Variants in SLC30A7 observed in about 807,000 individuals in gnomAD.
The protein encoded by SLC30A7 is solute carrier family 30 member 7, also known as zinc transporter 7.
In SLC30A7, 35 loss-of-function variants were observed where a neutral mutation model predicts 46.0. That is an observed-to-expected ratio of 0.76 (90% CI 0.58 to 1.01). The LOEUF (loss-of-function observed/expected upper bound fraction) is 1.01. SLC30A7 is among the 50% of genes least tolerant of loss of function. The pLI is 0.00. For synonymous variants in SLC30A7, 147 were observed against 157.8 expected, an observed-to-expected ratio of 0.93 and a Z score of 0.51; for missense variants, 464 against 451.1, an observed-to-expected ratio of 1.03 and a Z score of -0.26.
intron 3 of SLC30A7, among the ~76,000 whole-genome samples, 150 bp from the exon 4 acceptor site, chr1:100,910,908 TATAAA>T (rs1408416854): frequency 1.3e-5 from 2 of 152,234 alleles, no homozygotes; most frequent in African/African-American, 4.8e-5. Flanking sequence ...TTCTACTATA[TATAAA>T]ATAAAATGCA....
the SLC30A7 span, among the ~76,000 whole-genome samples, chr1:100,993,559 A>AAT: frequency 0.12 from 6,591 of 55,582 alleles, 713 homozygotes; most frequent in South Asian, 0.17. Context: ...CGAAAATATA[A>AAT]ATATATATAT....
the SLC30A7 span, among the ~76,000 whole-genome samples, chr1:100,994,373 T>C: frequency 6.6e-6 from 1 of 152,186 alleles, no homozygotes; most frequent in Non-Finnish European, 1.5e-5. Flanking sequence ...ACATTTCAAA[T>C]GCTCCTTAGT....
intron 8 of SLC30A7, among the ~76,000 whole-genome samples, chr1:100,947,484 A>G (rs902684164): frequency 2.8e-4 from 43 of 152,162 alleles, no homozygotes; most frequent in Admixed American, 1.3e-3. Context: ...TATGTGGTCA[A>G]TTTTAGAATA....
intron 8 of SLC30A7, among the ~76,000 whole-genome samples, chr1:100,939,829 A>C (rs1654238393): frequency 6.6e-6 from 1 of 151,674 alleles, no homozygotes; most frequent in South Asian, 2.1e-4. Flanking sequence ...AGCCTGGGCA[A>C]CAGAGTGAGA....
intron 8 of SLC30A7, among the ~76,000 whole-genome samples, chr1:100,930,404 A>C (rs1475656347): frequency 1.3e-5 from 2 of 148,340 alleles, no homozygotes; most frequent in Non-Finnish European, 3.0e-5. Flanking sequence ...ATAAAATAGA[A>C]TGTATACTAA....
At chr1:100,942,605 C>G (rs934403729) in intron 8 of SLC30A7, among the ~76,000 whole-genome samples, 11 of 152,206 alleles carry the variant, frequency 7.2e-5, no homozygotes, top group Non-Finnish European at 1.5e-4. Flanking sequence ...GAATGGCCAT[C>G]TGGGAAACAC....
intron 8 of SLC30A7, among the ~76,000 whole-genome samples, chr1:100,955,229 G>C (rs1279647656): frequency 6.6e-6 from 1 of 152,020 alleles, no homozygotes; most frequent in African/African-American, 2.4e-5. Flanking sequence ...TGTTGAAGTA[G>C]TGAGGCTCTT....
At chr1:100,919,401 T>C (rs938464211) in intron 7 of SLC30A7, among the ~76,000 whole-genome samples, 14 of 152,146 alleles carry the variant, frequency 9.2e-5, no homozygotes, top group Non-Finnish European at 4.4e-5. Context: ...ACTGCACCTA[T>C]TTGTCTTCAC....
intron 5 of SLC30A7, 50 bp downstream of exon 5, chr1:100,912,288 C>G: frequency 1.3e-6 from 2 of 1,584,878 alleles, no homozygotes; most frequent in African/African-American, 1.4e-5. Flanking sequence ...AGGTTTCTGT[C>G]ATAATTATTT....
At chr1:100,911,260 A>G (rs1652074369) in intron 4 of SLC30A7, 110 bp downstream of exon 4, 1 of 717,502 alleles carries the variant, frequency 1.4e-6, no homozygotes, top group Non-Finnish European at 2.2e-6. Flanking sequence ...ATTGTGGACA[A>G]TCTTAGATTA....
intron 2 of SLC30A7, among the ~76,000 whole-genome samples, chr1:100,900,044 A>G (rs1262092847): frequency 2.0e-5 from 3 of 152,074 alleles, no homozygotes; most frequent in African/African-American, 7.2e-5. Context: ...CTAACCTGTC[A>G]TCTTCTATAG....
chr1:100,912,567 T>C (rs967184710), intron 5 of SLC30A7, among the ~76,000 whole-genome samples: 18 of 152,122 alleles, frequency 1.2e-4, no homozygotes, highest in African/African-American at 4.3e-4. Context: ...CTTACACCTA[T>C]AATTCCAGCA....
rs1557978768 is a variant in SLC30A7, at chr1:100,912,167, T to C, written c.440T>C (p.Leu147Pro). Residue 147 changes from leucine to proline, a missense_variant, in exon 5 of 11, where the codon CTT becomes CCT. Coordinates refer to ENST00000357650, the MANE Select transcript of SLC30A7 (RefSeq NM_133496.5). The stretch of plus-strand genomic sequence containing the variant: ...GAGAGACTGCTTCTTGTTTCCATTC[T>C]TGGGTTTGTGGTAAACCTAATAGGA... ...HHERLLLVSI[L>P]GFVVNLIGIF... 13 of 1,614,028 alleles carry C rather than the reference T, an allele frequency of 8.1e-6. No individual in the cohort carries two copies. Among genetic ancestry groups the C allele is most frequent in the Admixed American group, 1.7e-5 (1 of 60,036 alleles).
downstream of SLC30A7, among the ~76,000 whole-genome samples, chr1:100,982,855 A>C (rs1331277455): frequency 6.6e-6 from 1 of 152,042 alleles, no homozygotes; most frequent in Non-Finnish European, 1.5e-5. Flanking sequence ...GAGACTCCCT[A>C]CCTATCCTGT....
chr1:100,912,103 G>C lies in SLC30A7; in HGVS notation c.385-9G>C. The C allele has an allele frequency of 2.5e-6, 4 of 1,611,778 alleles. No individual in the cohort carries two copies. The highest frequency in any genetic ancestry group is 2.5e-6 in the Non-Finnish European group (3 of 1,178,538). On this transcript the variant is annotated splice_polypyrimidine_tract_variant and intron_variant, in intron 4 of 10. Coordinates refer to ENST00000357650, the MANE Select transcript of SLC30A7 (RefSeq NM_133496.5). Reference sequence around the variant, plus strand: ...TCTATGCTATTTGTTTGTATTATGTGTTTTCTAGAGAGCATTAGCCCCTCC... The same window carrying C: ...TCTATGCTATTTGTTTGTATTATGTCTTTTCTAGAGAGCATTAGCCCCTCC...
intron 7 of SLC30A7, among the ~76,000 whole-genome samples, 193 bp downstream of exon 7, chr1:100,918,320 T>C (rs1652724280): frequency 6.6e-6 from 1 of 152,228 alleles, no homozygotes; most frequent in South Asian, 2.1e-4. Context: ...GTCACTTGAC[T>C]GTTTTCTCTG....
At chr1:100,938,442 G>A (rs888945347) in intron 8 of SLC30A7, among the ~76,000 whole-genome samples, 3 of 152,120 alleles carry the variant, frequency 2.0e-5, no homozygotes, top group African/African-American at 7.2e-5. Context: ...AAACTTACTT[G>A]TTTCTTTTTA....
intron 8 of SLC30A7, among the ~76,000 whole-genome samples, chr1:100,937,376 A>T (rs1371166491): frequency 6.6e-6 from 1 of 152,172 alleles, no homozygotes; most frequent in Non-Finnish European, 1.5e-5. Flanking sequence ...CTGCCACACC[A>T]GTTTACATTT....
intron 10 of SLC30A7, among the ~76,000 whole-genome samples, chr1:100,973,760 A>G (rs1656296783): frequency 6.6e-6 from 1 of 152,136 alleles, no homozygotes; most frequent in Non-Finnish European, 1.5e-5. Flanking sequence ...AGTGAGGTAA[A>G]AGGGCAGCCA....
Sources: gnomAD v4.1 joint callset for allele counts (sites outside exome capture counted in the v4.1 genomes callset) on GRCh38, gnomAD v4.1.1 for gene constraint, MANE v1.5 for transcripts, NCBI Gene and HGNC (gene_info 2026-07-23, HGNC 2026-07-21) for gene names.